Variants in ACAT1 observed in about 807,000 individuals in gnomAD.
ACAT1 encodes acetyl-CoA acetyltransferase, mitochondrial.
Under a neutral mutation model 47.3 loss-of-function variants are expected in ACAT1, and 28 were observed. That is an observed-to-expected ratio of 0.59 (90% confidence interval 0.44 to 0.81). The LOEUF (loss-of-function observed/expected upper bound fraction) is 0.81. ACAT1 is among the 30% of genes least tolerant of loss of function. The pLI is 0.00. For synonymous variants in ACAT1, 181 were observed against 173.6 expected (o/e 1.04, Z -0.34); for missense variants, 469 against 524.3 (o/e 0.89, Z 1.03).
rs751955179 is a variant in ACAT1, at chr11:108,136,188, T to G, written c.435+946T>G. 8.1e-4 allele frequency: 453 copies of G among 558,430 alleles called. 1 individual carries two copies. The highest frequency in any genetic ancestry group is 1.3e-3 in the Non-Finnish European group (397 of 317,384). 34.6% of individuals were successfully genotyped at this position (558,430 alleles called of 1,614,324 possible). ...GAGCCCTTCATTTTTCAGATGAAGATTTTTTTCAGTGTGTCTGAGACAGCC... is the reference window on the plus strand; with the variant it reads ...GAGCCCTTCATTTTTCAGATGAAGAGTTTTTTCAGTGTGTCTGAGACAGCC... On this transcript the variant is annotated intron_variant, in intron 5 of 11. Transcript: ENST00000265838.
intron 10 of ACAT1, 100 bp downstream of exon 10, chr11:108,144,147 A>T: frequency 7.4e-7 from 1 of 1,351,452 alleles, no homozygotes; most frequent in Non-Finnish European, 1.1e-6. Flanking sequence ...CTGCCAAAGC[A>T]GAGAGATAGC....
intron 11 of ACAT1, 133 bp downstream of exon 11, chr11:108,146,492 TCTG>T: frequency 1.1e-6 from 1 of 916,578 alleles, no homozygotes; most frequent in South Asian, 1.5e-5. Context: ...AAAAACCATT[TCTG>T]ATAGATGGTA....
At chr11:108,121,825 A>G (rs2077156034) in intron 1 of ACAT1, 147 bp downstream of exon 1, 1 of 835,874 alleles carries the variant, frequency 1.2e-6, no homozygotes, top group African/African-American at 1.7e-5. Context: ...TTCTGGTCCA[A>G]AAACCGCCTA....
intron 10 of ACAT1, among the ~76,000 whole-genome samples, chr11:108,144,888 G>C (rs1433303976): frequency 1.3e-5 from 2 of 152,146 alleles, no homozygotes; most frequent in Non-Finnish European, 2.9e-5. Context: ...GATTCTGAAG[G>C]TAGAATAACT....
chr11:108,123,012 G>A (rs567639858), intron 1 of ACAT1, among the ~76,000 whole-genome samples: 1 of 152,212 alleles, frequency 6.6e-6, no homozygotes, highest in Admixed American at 6.5e-5. Context: ...ATCATTTGAG[G>A]TCAAGAGTTC....
At chr11:108,146,493 C>G in intron 11 of ACAT1, 134 bp downstream of exon 11, 1 of 899,132 alleles carries the variant, frequency 1.1e-6, no homozygotes, top group Non-Finnish European at 1.8e-6. Context: ...AAAACCATTT[C>G]TGATAGATGG....
At chr11:108,117,711 G>A (rs190719083), upstream of ACAT1, among the ~76,000 whole-genome samples, 1 of 152,296 alleles carries the variant, frequency 6.6e-6, no homozygotes, top group East Asian at 1.9e-4. Flanking sequence ...GTTGTTCGTT[G>A]TAGAAGAACT....
chr11:108,116,750 G>A (rs779414673), upstream of ACAT1, among the ~76,000 whole-genome samples: 1 of 152,118 alleles, frequency 6.6e-6, no homozygotes, highest in African/African-American at 2.4e-5. Flanking sequence ...GAAGACAGGG[G>A]TTGGACTGAT....
Position 108,121,592 on chromosome 11 carries a change from C to T in ACAT1, c.-15C>T, listed in dbSNP as rs113348145. 1 of 1,550,246 alleles carries T rather than the reference C, an allele frequency of 6.5e-7. No individual in the cohort carries two copies. Among genetic ancestry groups the T allele is most frequent in the Non-Finnish European group, 8.7e-7 (1 of 1,146,842 alleles). ...AGTCTACGCCTGTGGAGCCGATACT[C>T]AGCCCTCTGCGACCATGGCTGTGCT... On this transcript the variant is annotated 5_prime_UTR_variant, in exon 1 of 12. Transcript: ENST00000265838.
intron 1 of ACAT1, among the ~76,000 whole-genome samples, chr11:108,131,235 TACTTGAAAACAATCTTAA>T (rs2077350607): frequency 6.6e-6 from 1 of 152,148 alleles, no homozygotes; most frequent in African/African-American, 2.4e-5. Context: ...CAGCAAGTTT[TACTTGAAAACAATCTTAA>T]AAAATGAAAA....
rs2134772402 is a variant in ACAT1 at position 108,142,438 on chromosome 11, C to T, written c.828C>T (p.Gly276=). Residue 276 remains glycine, a splice_region_variant and synonymous_variant, in exon 9 of 12, where the codon GGC becomes GGT. Transcript: ENST00000265838. ...KLKTVFQKEN[G]TVTAANASTL... is the part of the protein sequence containing the mutation. ...CTTCAACCTCATTTTTGCTTTCAGG[C>T]ACAGTAACAGCTGCCAATGCCAGTA... 2 of 1,613,482 alleles carry T rather than the reference C, an allele frequency of 1.2e-6. No individual in the cohort carries two copies. The highest frequency in any genetic ancestry group is 1.1e-5 in the South Asian group (1 of 91,014).
chr11:108,133,858 A>G lies in ACAT1; in HGVS notation c.159A>G (p.Gly53=). ...TAAGTGCTACAAGAACACCCATTGG[A>G]TCTTTTTTAGGCAGCCTTTCCTTGC... ...VIVSATRTPI[G]SFLGSLSLLP... Residue 53 remains glycine (G), a synonymous_variant, in exon 3 of 12, where the codon GGA becomes GGG. Transcript: ENST00000265838. 6.2e-7 allele frequency: 1 copy of G among 1,614,044 alleles called. No individual in the cohort carries two copies.
chr11:108,140,416 T>C (rs915762465), intron 7 of ACAT1, among the ~76,000 whole-genome samples: 40 of 152,262 alleles, frequency 2.6e-4, no homozygotes, highest in African/African-American at 9.4e-4. Context: ...TCCCTGAGTA[T>C]TACTTTAAAT....
At chr11:108,117,532 C>T (rs1864976480), upstream of ACAT1, among the ~76,000 whole-genome samples, 2 of 152,062 alleles carry the variant, frequency 1.3e-5, no homozygotes, top group East Asian at 3.9e-4. Context: ...TGGTCTGGAA[C>T]TCCTGACCTC....
At chr11:108,141,369 C>CAAAAAAAAAA (rs60002941) in intron 7 of ACAT1, among the ~76,000 whole-genome samples, 1,194 of 69,266 alleles carry the variant, frequency 0.017, 55 homozygotes, top group Non-Finnish European at 0.025. Context: ...AACCCTGCCT[C>CAAAAAAAAAA]AAAAAAAAAA....
At chr11:108,137,901 C>T (rs945239100) in intron 5 of ACAT1, among the ~76,000 whole-genome samples, 3 of 150,916 alleles carry the variant, frequency 2.0e-5, no homozygotes, top group East Asian at 2.0e-4. Context: ...GAGCTGAGAT[C>T]GTGCCACTGC....
chr11:108,123,021 T>A (rs2077180122), intron 1 of ACAT1, among the ~76,000 whole-genome samples: 1 of 152,072 alleles, frequency 6.6e-6, no homozygotes, highest in Non-Finnish European at 1.5e-5. Context: ...GGTCAAGAGT[T>A]CAAGACCAGC....
intron 9 of ACAT1, chr11:108,142,846 T>C: frequency 2.9e-6 from 1 of 348,830 alleles, no homozygotes; most frequent in Non-Finnish European, 5.5e-6. Flanking sequence ...TAAAAAAAAA[T>C]AAGGTTTCTA....
Position 108,138,433 on chromosome 11 carries a change from GCCCC to G in ACAT1, c.436-462_436-459del, listed in dbSNP as rs543184270. On this transcript the variant is annotated intron_variant, in intron 5 of 11. Coordinates refer to ENST00000265838, the MANE Select transcript of ACAT1 (RefSeq NM_000019.4). ...TTTTTCTTTTGAGGAGTCTTGCTCT[GCCCC>G]CCAGGCTGGAGTGCAGTGGCACAAT... Among the ~76,000 whole-genome samples the G allele has an allele frequency of 3.9e-3, 578 of 149,666 alleles. 4 individuals are homozygous for G. The highest frequency in any genetic ancestry group is 6.6e-3 in the Non-Finnish European group (447 of 67,524).
Sources: allele counts gnomAD v4.1 joint callset (sites outside exome capture counted in the v4.1 genomes callset), GRCh38; gene constraint gnomAD v4.1.1; transcripts MANE v1.5; gene names NCBI Gene and HGNC (gene_info 2026-07-23, HGNC 2026-07-21).